ERC2: variants seen among roughly 807,000 people sequenced by gnomAD.
ERC2 encodes the protein ELKS/RAB6-interacting/CAST family member 2.
A neutral mutation model predicts 114.8 loss-of-function variants in ERC2; 42 were observed. The ratio of observed to expected loss-of-function variants is 0.37; its 90% CI spans 0.29 to 0.47. The LOEUF is 0.47. Among genes scored for constraint, ERC2 ranks in the 20% least tolerant of loss-of-function variants. The probability of loss-of-function intolerance (pLI) is 0.99; values close to 1 mark genes in which losing one functional copy is unlikely to be tolerated. For missense variants in ERC2, 939 were observed against 1,150.7 expected (o/e 0.82, Z 2.66); for synonymous variants, 454 against 425.5 (o/e 1.07, Z -0.82).
rs190940268 is a variant in ERC2 at position 55,937,239 on chromosome 3, C to T, written c.2403+13186G>A. Among the ~76,000 whole-genome samples, 3 of 152,320 alleles carry T rather than the reference C, an allele frequency of 2.0e-5. No individual in the cohort carries two copies. In the East Asian group the frequency reaches 5.8e-4, roughly 29 times the overall value. On this transcript the variant is annotated intron_variant, in intron 13 of 17. Coordinates refer to ENST00000288221, the MANE Select transcript of ERC2 (RefSeq NM_015576.3). ...AGGCTCAGGCCTCTAATCCCAGCTA[C>T]TTGGAAGTCTGAGACAGGCGAATCA...
At chr3:56,409,075 G>A (rs1019742855) in intron 2 of ERC2, among the ~76,000 whole-genome samples, 9 of 152,306 alleles carry the variant, frequency 5.9e-5, no homozygotes, top group Admixed American at 5.9e-4. Flanking sequence ...GTTCCTGGAG[G>A]CCTGCGGCTC....
chr3:55,906,910 ATG>A, intron 13 of ERC2, among the ~76,000 whole-genome samples: 1 of 152,314 alleles, frequency 6.6e-6, no homozygotes, highest in Non-Finnish European at 1.5e-5. Context: ...CAGGCTGAGT[ATG>A]ATGATGCCGC....
chr3:55,888,686 T>C, intron 13 of ERC2, 137 bp from the exon 14 acceptor site: 2 of 1,017,756 alleles, frequency 2.0e-6, no homozygotes, highest in South Asian at 3.2e-5. Context: ...CTTGGAGCCC[T>C]TTCTTTCTTT....
In ERC2 at chr3:55,880,894, C is replaced by T. The variant is rs1236820803; in HGVS notation, c.2564+7495G>A. ...AACTGTAATGAATGTACCTAACATA[C>T]TAATATATGTATAGCCTTTTGTGGG... On this transcript the variant is annotated intron_variant, in intron 14 of 17. Transcript: ENST00000288221. Among the ~76,000 whole-genome samples the T allele has an allele frequency of 2.0e-5, 3 of 151,934 alleles. No homozygotes were observed. The East Asian group carries it at 5.8e-4, about 29-fold the overall frequency.
At chr3:55,711,039 G>A (rs999611441) in intron 15 of ERC2, among the ~76,000 whole-genome samples, 1 of 152,152 alleles carries the variant, frequency 6.6e-6, no homozygotes, top group African/African-American at 2.4e-5. Context: ...TCCATGACCT[G>A]TAACACCACA....
At chr3:56,468,221 GC>G in intron 1 of ERC2, 26 bp downstream of exon 1, 1 of 152,168 alleles carries the variant, frequency 6.6e-6, no homozygotes, top group Non-Finnish European at 1.5e-5. Context: ...GCACCAGGCG[GC>G]CCCGGCCCCG....
intron 12 of ERC2, among the ~76,000 whole-genome samples, chr3:55,978,890 T>A (rs912478575): frequency 2.0e-5 from 3 of 152,198 alleles, no homozygotes; most frequent in African/African-American, 7.2e-5. Flanking sequence ...ACAACACAAG[T>A]GAAATCCTAG....
intron 17 of ERC2, among the ~76,000 whole-genome samples, chr3:55,667,318 C>T (rs1217930199): frequency 6.6e-6 from 1 of 152,168 alleles, no homozygotes; most frequent in African/African-American, 2.4e-5. Flanking sequence ...CCGTCTAGCA[C>T]ATTGTAAAAG....
chr3:56,268,664 C>T (rs2053476494), intron 3 of ERC2, among the ~76,000 whole-genome samples: 3 of 152,090 alleles, frequency 2.0e-5, no homozygotes, highest in South Asian at 2.1e-4. Context: ...TTATAGTAAG[C>T]CTAACTGGTA....
intron 17 of ERC2, among the ~76,000 whole-genome samples, chr3:55,673,069 G>T (rs553946211): frequency 1.6e-4 from 25 of 152,130 alleles, no homozygotes; most frequent in Non-Finnish European, 3.5e-4. Context: ...TATAATGAGG[G>T]ACAAAGATTG....
At chr3:55,850,491 T>C (rs1353315119) in intron 14 of ERC2, among the ~76,000 whole-genome samples, 1 of 152,140 alleles carries the variant, frequency 6.6e-6, no homozygotes, top group Non-Finnish European at 1.5e-5. Flanking sequence ...CTCCCAATCT[T>C]CCTAAGACCT....
At chr3:55,788,238 G>A (rs1377660480) in intron 14 of ERC2, among the ~76,000 whole-genome samples, 1 of 152,174 alleles carries the variant, frequency 6.6e-6, no homozygotes, top group Admixed American at 6.5e-5. Context: ...CTACATGTCT[G>A]ACTTAAAACA....
Position 55,879,561 on chromosome 3 carries a change from C to A in ERC2, c.2564+8828G>T, listed in dbSNP as rs186249264. Among the ~76,000 whole-genome samples the A allele has an allele frequency of 1.1e-4, 17 of 152,334 alleles. No homozygotes were observed. In the East Asian group the frequency reaches 3.1e-3, roughly 28 times the overall value. ...TGTTCACTCACTACATGCCTCCTCA[C>A]AGTCTACCAACCATGGTACCCAGAA... On this transcript the variant is annotated intron_variant, in intron 14 of 17. Coordinates refer to ENST00000288221, the MANE Select transcript of ERC2 (RefSeq NM_015576.3).
intron 7 of ERC2, among the ~76,000 whole-genome samples, chr3:56,036,597 G>A (rs2074818536): frequency 1.3e-5 from 2 of 152,170 alleles, no homozygotes; most frequent in African/African-American, 4.8e-5. Context: ...GGGCTGACTA[G>A]GCGGTTGGTG....
At chr3:55,682,488 A>T (rs866037882) in intron 17 of ERC2, among the ~76,000 whole-genome samples, 1 of 152,194 alleles carries the variant, frequency 6.6e-6, no homozygotes, top group Admixed American at 6.5e-5. Flanking sequence ...CAGTACCAAA[A>T]AAAGCAAACT....
At chr3:55,730,715 T>A (rs934614645) in intron 15 of ERC2, among the ~76,000 whole-genome samples, 6 of 152,012 alleles carry the variant, frequency 3.9e-5, no homozygotes. Flanking sequence ...TACAAAAAAA[T>A]ACAAAAATGA....
intron 7 of ERC2, among the ~76,000 whole-genome samples, chr3:56,032,890 AGAGAGAGAGAC>A (rs1560055916): frequency 2.2e-4 from 24 of 109,606 alleles, no homozygotes; most frequent in East Asian, 4.8e-4. Context: ...AAAGAAAGAG[AGAGAGAGAGAC>A]AGAAAGAAAG....
At chr3:56,439,523 A>C (rs772498015) in intron 1 of ERC2, among the ~76,000 whole-genome samples, 3 of 152,116 alleles carry the variant, frequency 2.0e-5, no homozygotes, top group Non-Finnish European at 4.4e-5. Flanking sequence ...TTACTTGTCT[A>C]TTTGGGTTTG....
chr3:56,323,344 C>T (rs1402445526), intron 2 of ERC2, among the ~76,000 whole-genome samples: 1 of 152,154 alleles, frequency 6.6e-6, no homozygotes, highest in Non-Finnish European at 1.5e-5. Context: ...TCTCTTGGAA[C>T]ACAGTATCAT....
Sources: gnomAD v4.1 joint callset for allele counts (sites outside exome capture counted in the v4.1 genomes callset) on GRCh38, gnomAD v4.1.1 for gene constraint, MANE v1.5 for transcripts, NCBI Gene and HGNC (gene_info 2026-07-23, HGNC 2026-07-21) for gene names.